VIL1: variants seen among roughly 807,000 people sequenced by gnomAD.
VIL1 encodes villin-1.
In VIL1, 86 loss-of-function variants were observed where a neutral mutation model predicts 104.0. The observed-to-expected ratio is 0.83, with a 90% CI of 0.69 to 0.99. The LOEUF is 0.99. Ranked by LOEUF, VIL1 falls within the 50% of genes least tolerant of loss-of-function variation. VIL1 has a pLI of 0.00. For missense variants in VIL1, 944 were observed against 1,054.1 expected (o/e 0.90, Z 1.45); for synonymous variants, 394 against 412.6 (o/e 0.95, Z 0.55).
intron 13 of VIL1, 49 bp from the exon 14 acceptor site, chr2:218,434,477 A>T: frequency 1.3e-6 from 2 of 1,550,518 alleles, no homozygotes; most frequent in Non-Finnish European, 1.7e-6. Context: ...CATCTTCTTT[A>T]CTAAGTGACT....
At chr2:218,444,802 G>A (rs1689339415) in intron 19 of VIL1, among the ~76,000 whole-genome samples, 1 of 152,232 alleles carries the variant, frequency 6.6e-6, no homozygotes, top group Non-Finnish European at 1.5e-5. Flanking sequence ...GGAGGCGGAT[G>A]TAGGCATGGG....
At chr2:218,439,140 A>C (rs770359005) in intron 18 of VIL1, among the ~76,000 whole-genome samples, 2 of 151,880 alleles carry the variant, frequency 1.3e-5, no homozygotes, top group African/African-American at 2.4e-5. Flanking sequence ...CATGTTGGCC[A>C]GTCTGGTCTC....
intron 13 of VIL1, among the ~76,000 whole-genome samples, chr2:218,433,238 C>CATGCAATGCAGGGGGCA (rs1689130375): frequency 6.8e-6 from 1 of 147,418 alleles, no homozygotes; most frequent in Non-Finnish European, 1.5e-5. Context: ...GAGTTCAAGA[C>CATGCAATGCAGGGGGCA]CAGCTTGACC....
At chr2:218,434,478 CTAAG>C (rs751336306) in intron 13 of VIL1, 44 bp from the exon 14 acceptor site, 13 of 1,553,784 alleles carry the variant, frequency 8.4e-6, no homozygotes, top group African/African-American at 8.2e-5. Context: ...ATCTTCTTTA[CTAAG>C]TGACTCCTGA....
intron 4 of VIL1, among the ~76,000 whole-genome samples, chr2:218,427,233 A>C (rs1689017398): frequency 6.6e-6 from 1 of 152,026 alleles, no homozygotes; most frequent in African/African-American, 2.4e-5. Context: ...GTCCACTGCC[A>C]TGGGCACTGG....
At position 218,450,376 on chromosome 2, in the gene VIL1, A is replaced by G; in HGVS notation, c.*1040A>G. 1 of 152,666 alleles carries G rather than the reference A, an allele frequency of 6.6e-6. No individual in the cohort carries two copies. Among genetic ancestry groups the G allele is most frequent in the Non-Finnish European group, 1.5e-5 (1 of 68,044 alleles). 9.5% of individuals were successfully genotyped at this position (152,666 alleles called of 1,614,324 possible). On this transcript the variant is annotated 3_prime_UTR_variant, in exon 20 of 20. Coordinates refer to ENST00000248444, the MANE Select transcript of VIL1 (RefSeq NM_007127.3). The stretch of plus-strand genomic sequence containing the variant: ...ACAGTTCTGCTAAAACACAGATAAA[A>G]GTGCCGCTCCATACAAAACATAAAG...
At chr2:218,420,428 CAAAAAAAA>C (rs71064447) in intron 1 of VIL1, among the ~76,000 whole-genome samples, 1 of 80,234 alleles carries the variant, frequency 1.2e-5, no homozygotes, top group Non-Finnish European at 2.3e-5. Context: ...GACTCTGTCT[CAAAAAAAA>C]AAAAAAAAAA....
At chr2:218,433,879 C>CA (rs1443684323) in intron 13 of VIL1, among the ~76,000 whole-genome samples, 7 of 144,228 alleles carry the variant, frequency 4.9e-5, no homozygotes, top group African/African-American at 7.7e-5. Flanking sequence ...GCCTGGGCAA[C>CA]AGAGCGAGAC....
chr2:218,447,014 T>C (rs992198849), intron 19 of VIL1, among the ~76,000 whole-genome samples: 1 of 152,218 alleles, frequency 6.6e-6, no homozygotes, highest in African/African-American at 2.4e-5. Flanking sequence ...TCCACTCGCC[T>C]TGGCCTCCCA....
At chr2:218,423,091 T>C (rs1159137522) in intron 1 of VIL1, among the ~76,000 whole-genome samples, 1 of 152,082 alleles carries the variant, frequency 6.6e-6, no homozygotes, top group Admixed American at 6.6e-5. Flanking sequence ...CGAATACAGC[T>C]ACAGGTCCAA....
Position 218,436,479 on chromosome 2 carries a change from C to A in VIL1, c.1827-3C>A. 1 of 1,613,122 alleles carries A rather than the reference C, an allele frequency of 6.2e-7. No homozygotes were observed. Among genetic ancestry groups the A allele is most frequent in the East Asian group, 2.2e-5 (1 of 44,870 alleles). ...CCAGTACAATCTTCTCTCCATCCTGCAGACTACAGGAAGAAAACCTGGTCA... is the reference window on the plus strand; with the variant it reads ...CCAGTACAATCTTCTCTCCATCCTGAAGACTACAGGAAGAAAACCTGGTCA... On this transcript the variant is annotated splice_region_variant and splice_polypyrimidine_tract_variant and intron_variant, in intron 15 of 19. Transcript: ENST00000248444.
At chr2:218,427,909 G>A in intron 4 of VIL1, 56 bp from the exon 5 acceptor site, 1 of 1,533,880 alleles carries the variant, frequency 6.5e-7, no homozygotes, top group Non-Finnish European at 9.0e-7. Flanking sequence ...TGGGAGAACA[G>A]GGGCCAGGCA....
In VIL1 at chr2:218,429,896, A is replaced by G. The variant is rs138563503; in HGVS notation, c.897A>G (p.Lys299=). Residue 299 remains lysine (K), a synonymous_variant, in exon 9 of 20, where the codon AAA becomes AAG. Coordinates refer to ENST00000248444, the MANE Select transcript of VIL1 (RefSeq NM_007127.3). Reference sequence around the variant, plus strand: ...GGGGCCTGAAGATCTACGTGTGGAAAGGGAAGAAAGCCAATGAGCAGGAGA... The same window carrying G: ...GGGGCCTGAAGATCTACGTGTGGAAGGGGAAGAAAGCCAATGAGCAGGAGA... The part of the protein sequence containing the change: ...DQGGLKIYVW[K]GKKANEQEKK... 361 of 1,536,736 alleles carry G rather than the reference A, an allele frequency of 2.3e-4. No homozygotes were observed. Among genetic ancestry groups the G allele is most frequent in the Non-Finnish European group, 2.8e-4 (321 of 1,130,700 alleles).
intron 12 of VIL1, 160 bp from the exon 13 acceptor site, chr2:218,432,633 C>A: frequency 1.0e-6 from 1 of 995,274 alleles, no homozygotes; most frequent in Non-Finnish European, 1.5e-6. Context: ...AGGTATGGTT[C>A]AGATTGGGGT....
intron 2 of VIL1, 93 bp downstream of exon 2, chr2:218,423,946 C>A: frequency 7.0e-7 from 1 of 1,434,650 alleles, no homozygotes; most frequent in Non-Finnish European, 9.7e-7. Context: ...TTCGTTTCCT[C>A]TGCTCCTGCC....
rs566122577 is a variant in VIL1 at position 218,423,858 on chromosome 2, G to C, written c.75+5G>C. ...CTGCAGATATGGAGGATCGAGGTGA[G>C]GCCCTGTCTGGGCATGGGGGCTGCT... On this transcript the variant is annotated splice_donor_5th_base_variant and intron_variant, in intron 2 of 19. Coordinates refer to ENST00000248444, the MANE Select transcript of VIL1 (RefSeq NM_007127.3). 8.1e-4 allele frequency: 1,305 copies of C among 1,614,138 alleles called. 23 individuals carry two copies. The South Asian group carries it at 0.014, about 17-fold the overall frequency.
rs1249569041 is a variant in VIL1, at chr2:218,451,342, T to C, written c.*2006T>C. ...ATCCATATGTACTTGGAGATCCAGC[T>C]GTTGCCCCCTGTTTAAAACAAAAGA... On this transcript the variant is annotated 3_prime_UTR_variant, in exon 20 of 20. Coordinates refer to ENST00000248444, the MANE Select transcript of VIL1 (RefSeq NM_007127.3). The C allele has an allele frequency of 6.6e-6, 1 of 152,220 alleles. No homozygotes were observed. The highest frequency in any genetic ancestry group is 1.5e-5 in the Non-Finnish European group (1 of 68,038). 9.4% of individuals were successfully genotyped at this position (152,220 alleles called of 1,614,324 possible). A position where few individuals can be genotyped will look rare whatever the true frequency, so the allele number is the denominator to read the frequency against.
At chr2:218,444,924 C>T (rs542517919) in intron 19 of VIL1, among the ~76,000 whole-genome samples, 4 of 152,130 alleles carry the variant, frequency 2.6e-5, no homozygotes, top group Non-Finnish European at 5.9e-5. Flanking sequence ...GGGTCAGAGT[C>T]CAGCAGTCTT....
At position 218,436,487 on chromosome 2, in the gene VIL1, A is replaced by G; in HGVS notation, c.1832A>G (p.Gln611Arg). 5 of 1,613,786 alleles carry G rather than the reference A, an allele frequency of 3.1e-6. No individual in the cohort carries two copies. Among genetic ancestry groups the G allele is most frequent in the Non-Finnish European group, 4.2e-6 (5 of 1,179,876 alleles). ...KAPYANTKRL[Q>R]EENLVITPRL... ...ATCTTCTCTCCATCCTGCAGACTACAGGAAGAAAACCTGGTCATCACCCCC... is the reference window on the plus strand; with the variant it reads ...ATCTTCTCTCCATCCTGCAGACTACGGGAAGAAAACCTGGTCATCACCCCC... The change falls in exon 16 of 20, where the codon CAG becomes CGG. Residue 611 changes from glutamine (Q) to arginine (R), a missense_variant. By Grantham distance (43) the Gln-to-Arg change is conservative. Coordinates refer to ENST00000248444, the MANE Select transcript of VIL1 (RefSeq NM_007127.3).
Sources: allele counts gnomAD v4.1 joint callset (sites outside exome capture counted in the v4.1 genomes callset), GRCh38; gene constraint gnomAD v4.1.1; transcripts MANE v1.5; gene names NCBI Gene and HGNC (gene_info 2026-07-23, HGNC 2026-07-21).